MAN2B2: variants seen among roughly 807,000 people sequenced by gnomAD.
MAN2B2 encodes epididymis-specific alpha-mannosidase.
MAN2B2 carries 106 observed loss-of-function variants against 117.1 expected under a neutral mutation model. That is an observed-to-expected ratio of 0.90 (90% CI 0.77 to 1.06). The LOEUF (loss-of-function observed/expected upper bound fraction) is 1.06. MAN2B2 is among the 50% of genes least tolerant of loss of function. MAN2B2 has a pLI of 0.00. For synonymous variants in MAN2B2, 544 were observed against 595.1 expected, an observed-to-expected ratio of 0.91 and a Z score of 1.25; for missense variants, 1,326 against 1,381.4, an observed-to-expected ratio of 0.96 and a Z score of 0.64.
intron 10 of MAN2B2, among the ~76,000 whole-genome samples, chr4:6,604,262 C>T (rs1263532548): frequency 6.6e-6 from 1 of 152,088 alleles, no homozygotes; most frequent in Non-Finnish European, 1.5e-5. Context: ...ACAAGAGTCT[C>T]GAAAAGCTTG....
At position 6,587,168 on chromosome 4, in the gene MAN2B2, G is replaced by A. The variant is rs769073207; in HGVS notation, c.564G>A (p.Arg188=). Residue 188 remains arginine, a splice_region_variant and synonymous_variant, in exon 4 of 19, where the codon CGG becomes CGA. Coordinates refer to ENST00000285599, the MANE Select transcript of MAN2B2 (RefSeq NM_015274.3). ...YDLKAAMQEA[R]GLQFVWRGSP... is the part of the protein sequence containing the mutation. ...TGAAGGCAGCCATGCAGGAGGCCCG[G>A]GTGAGTGGTGTGCCGCGTCTGCTGC... The A allele has an allele frequency of 6.8e-6, 11 of 1,611,930 alleles. No homozygotes were observed. In the African/African-American group the frequency reaches 1.1e-4, roughly 16 times the overall value.
At chr4:6,590,079 A>T (rs1371801371) in intron 5 of MAN2B2, among the ~76,000 whole-genome samples, 3 of 151,084 alleles carry the variant, frequency 2.0e-5, no homozygotes, top group Non-Finnish European at 4.4e-5. Context: ...TTTAAAATAA[A>T]AAAAAAAATA....
At chr4:6,577,466 G>A (rs1049181715) in intron 2 of MAN2B2, among the ~76,000 whole-genome samples, 5 of 152,220 alleles carry the variant, frequency 3.3e-5, no homozygotes, top group Admixed American at 3.3e-4. Context: ...GGAGAAGGGA[G>A]AGCAGGGCGT....
At chr4:6,609,048 G>T in intron 11 of MAN2B2, 59 bp from the exon 12 acceptor site, 1 of 1,495,840 alleles carries the variant, frequency 6.7e-7, no homozygotes, top group East Asian at 2.4e-5. Flanking sequence ...CTTGCCAGCC[G>T]GTGTCTGTAA....
chr4:6,575,235 C>T lies in MAN2B2; in HGVS notation c.25C>T (p.Leu9=), dbSNP rs1403266849. MGQLCWLP[L]LAPLLLLRPP... ...GATGGGGCAGCTGTGCTGGCTGCCG[C>T]TGCTGGCACCGCTCCTGTTGCTGCG... Residue 9 remains leucine, a synonymous_variant, in exon 1 of 19, where the codon CTG becomes TTG. Coordinates refer to ENST00000285599, the MANE Select transcript of MAN2B2 (RefSeq NM_015274.3). 1.3e-6 allele frequency: 2 copies of T among 1,537,380 alleles called. No homozygotes were observed. Among genetic ancestry groups the T allele is most frequent in the Admixed American group, 1.9e-5 (1 of 51,456 alleles).
chr4:6,612,503 C>T (rs781178421), intron 15 of MAN2B2, among the ~76,000 whole-genome samples: 4 of 152,232 alleles, frequency 2.6e-5, no homozygotes, highest in African/African-American at 9.6e-5. Flanking sequence ...TAAGGAGGAG[C>T]TGGATACAAG....
chr4:6,588,070 T>C (rs768655866), intron 4 of MAN2B2, among the ~76,000 whole-genome samples: 15 of 152,136 alleles, frequency 9.9e-5, no homozygotes, highest in Non-Finnish European at 1.9e-4. Flanking sequence ...TCATCCTGCA[T>C]TTCTTTTAAC....
intron 15 of MAN2B2, among the ~76,000 whole-genome samples, chr4:6,613,679 A>C: frequency 1.6e-5 from 2 of 123,086 alleles, no homozygotes; most frequent in Admixed American, 9.0e-5. Context: ...GAAGGGAGGA[A>C]GGAAGGAGGG....
In MAN2B2 at chr4:6,621,438, T is replaced by A. The variant is rs1712168279; in HGVS notation, c.*153T>A. 1 of 602,284 alleles carries A rather than the reference T, an allele frequency of 1.7e-6. No homozygotes were observed. The highest frequency in any genetic ancestry group is 3.3e-5 in the Admixed American group (1 of 29,972). The allele number at this position is 602,284 out of a possible 1,614,324, so 37.3% of individuals were successfully genotyped here. A position where few individuals can be genotyped will look rare whatever the true frequency, so the allele number is the denominator to read the frequency against. On this transcript the variant is annotated 3_prime_UTR_variant, in exon 19 of 19. Coordinates refer to ENST00000285599, the MANE Select transcript of MAN2B2 (RefSeq NM_015274.3). ...GGCAGGAAATGGTCATATTTGGGGT[T>A]TTTCCCTAATTTTTTTAAACAAAAA...
At chr4:6,609,353 A>T in intron 12 of MAN2B2, 55 bp downstream of exon 12, 1 of 1,543,038 alleles carries the variant, frequency 6.5e-7, no homozygotes, top group Non-Finnish European at 8.9e-7. Flanking sequence ...GCACGCGTGC[A>T]GGCAGCTCAG....
At chr4:6,601,945 C>T (rs1216192093) in intron 10 of MAN2B2, among the ~76,000 whole-genome samples, 1 of 152,208 alleles carries the variant, frequency 6.6e-6, no homozygotes, top group Admixed American at 6.5e-5. Flanking sequence ...CAGGGACACA[C>T]AGCCGTTGAG....
Position 6,611,002 on chromosome 4 carries a change from G to C in MAN2B2, c.2370+12G>C. The C allele has an allele frequency of 6.2e-7, 1 of 1,613,998 alleles. No individual in the cohort carries two copies. The highest frequency in any genetic ancestry group is 8.5e-7 in the Non-Finnish European group (1 of 1,179,890). ...ATGGGCAGGTGGAGGTAGGAGGCAC[G>C]GTCTGTCCTACAGCAGCCCCTCGCG... On this transcript the variant is annotated intron_variant, in intron 14 of 18. Transcript: ENST00000285599.
intron 16 of MAN2B2, among the ~76,000 whole-genome samples, chr4:6,615,681 T>C (rs533317890): frequency 3.3e-4 from 50 of 152,154 alleles, no homozygotes; most frequent in Non-Finnish European, 6.0e-4. Context: ...TTGCCTGTGG[T>C]CCCAGCTACT....
At chr4:6,614,160 G>T (rs1443865475) in intron 15 of MAN2B2, 58 bp from the exon 16 acceptor site, 4 of 1,587,412 alleles carry the variant, frequency 2.5e-6, no homozygotes, top group Non-Finnish European at 2.6e-6. Context: ...AGCTCTGAGT[G>T]CCAGGAGGAG....
intron 11 of MAN2B2, among the ~76,000 whole-genome samples, chr4:6,606,792 C>T (rs919387110): frequency 1.3e-5 from 2 of 152,174 alleles, no homozygotes; most frequent in Non-Finnish European, 2.9e-5. Context: ...CCCCAGGCCT[C>T]GAAGGGCATA....
rs1390349339 is a variant in MAN2B2 at position 6,598,213 on chromosome 4, G to A, written c.1264G>A (p.Ala422Thr). The change falls in exon 9 of 19, where the codon GCC becomes ACC. Residue 422 changes from alanine to threonine, a missense_variant. Coordinates refer to ENST00000285599, the MANE Select transcript of MAN2B2 (RefSeq NM_015274.3). ...WAVSEVQHHD[A>T]ITGTESPKVR... ...GTTGCTGCAGGTCCAGCACCATGATGCCATCACTGGGACTGAGTCCCCCAA... is the reference window on the plus strand; with the variant it reads ...GTTGCTGCAGGTCCAGCACCATGATACCATCACTGGGACTGAGTCCCCCAA... The A allele has an allele frequency of 6.2e-7, 1 of 1,613,560 alleles. No individual in the cohort carries two copies. The highest frequency in any genetic ancestry group is 2.2e-5 in the East Asian group (1 of 44,880).
rs755516855 is a variant in MAN2B2, at chr4:6,605,077, C to T, written c.1562C>T (p.Pro521Leu). Reference sequence around the variant, plus strand: ...CAGATCCAGAACTCAACAGAGACCCCATCTGCGTATGACCTGCTTATTCTG... The same window carrying T: ...CAGATCCAGAACTCAACAGAGACCCTATCTGCGTATGACCTGCTTATTCTG... ...PSQIQNSTET[P>L]SAYDLLILTT... is the part of the protein sequence containing the mutation. Residue 521 changes from proline to leucine, a missense_variant, in exon 11 of 19, where the codon CCA becomes CTA. Pro to Leu is a moderately conservative substitution (Grantham distance 98). Coordinates refer to ENST00000285599, the MANE Select transcript of MAN2B2 (RefSeq NM_015274.3). 2 of 1,613,728 alleles carry T rather than the reference C, an allele frequency of 1.2e-6. No homozygotes were observed. The highest frequency in any genetic ancestry group is 1.7e-6 in the Non-Finnish European group (2 of 1,179,694).
chr4:6,578,429 G>T lies in MAN2B2; in HGVS notation c.322G>T (p.Val108Phe), dbSNP rs576625927. 2.5e-6 allele frequency: 4 copies of T among 1,613,732 alleles called. No homozygotes were observed. The South Asian group carries it at 4.4e-5, about 18-fold the overall frequency. The change falls in exon 3 of 19, where the codon GTC (valine) becomes TTC (phenylalanine). Residue 108 changes from valine to phenylalanine, a missense_variant. Val to Phe is a conservative substitution (Grantham distance 50). Coordinates refer to ENST00000285599, the MANE Select transcript of MAN2B2 (RefSeq NM_015274.3). ...CCTGGAGGAAGGACGCCTGGAATTT[G>T]TCATCGGAGGCCAGGTCATGCATGA... ...QLLEEGRLEF[V>F]IGGQVMHDEA...
chr4:6,595,726 A>T lies in MAN2B2; in HGVS notation c.1057+994A>T, dbSNP rs368937208. Reference sequence around the variant, plus strand: ...AATTAAATTTTAACATGGGTTTTGGAGGGGCATTCAAACCATAACATTTCC... The same window carrying T: ...AATTAAATTTTAACATGGGTTTTGGTGGGGCATTCAAACCATAACATTTCC... On this transcript the variant is annotated intron_variant, in intron 7 of 18. Transcript: ENST00000285599. Among the ~76,000 whole-genome samples the T allele has an allele frequency of 4.0e-4, 61 of 152,284 alleles. 1 individual carries two copies. In the East Asian group the frequency reaches 7.3e-3, roughly 18 times the overall value.
Sources: allele counts gnomAD v4.1 joint callset (sites outside exome capture counted in the v4.1 genomes callset), GRCh38; gene constraint gnomAD v4.1.1; transcripts MANE v1.5; gene names NCBI Gene and HGNC (gene_info 2026-07-23, HGNC 2026-07-21).